The following FAM186B variants were observed in gnomAD, a reference collection of about 807,000 sequenced individuals.
FAM186B encodes family with sequence similarity 186 member B.
FAM186B carries 68 observed loss-of-function variants against 83.4 expected under a neutral mutation model. That is an observed-to-expected ratio of 0.81 (90% CI 0.67 to 1.00). The LOEUF is 1.00. FAM186B is among the 50% of genes least tolerant of loss of function. FAM186B has a pLI of 0.00. For synonymous variants in FAM186B, 389 were observed against 422.0 expected (o/e 0.92, Z 0.96); for missense variants, 983 against 1,099.2 (o/e 0.89, Z 1.49).
At position 49,600,833 on chromosome 12, in the gene FAM186B, G is replaced by C; in HGVS notation, c.807C>G (p.Thr269=). 6.2e-7 allele frequency: 1 copy of C among 1,612,440 alleles called. No homozygotes were observed. The highest frequency in any genetic ancestry group is 1.1e-5 in the South Asian group (1 of 90,832). ...GCAGCCTCTGGCTGCTGAGCTCTTT[G>C]GTCGCCTGCATTTGCAGGTGCCTGT... ...TKYRHLQMQA[T]KELSSQRLHF... The change falls in exon 4 of 7, where the codon ACC becomes ACG. Residue 269 remains threonine (T), a synonymous_variant. Transcript: ENST00000257894. This position sits in a 1 kb window ranked among gnomAD's most constrained non-coding sequence, Gnocchi z 4.3.
At chr12:49,604,216 G>C (rs1269819458) in intron 2 of FAM186B, 97 bp downstream of exon 2, 1 of 912,748 alleles carries the variant, frequency 1.1e-6, no homozygotes, top group Admixed American at 2.0e-5. Context: ...GTGGTGGAAT[G>C]CTTCACTGGA....
chr12:49,605,751 G>A, upstream of FAM186B: 2 of 248,824 alleles, frequency 8.0e-6, no homozygotes, highest in Non-Finnish European at 1.5e-5. Context: ...TTGACTTGTT[G>A]CCTTTTCTTT....
downstream of FAM186B, chr12:49,584,539 G>A (rs774808581): frequency 2.8e-5 from 20 of 702,216 alleles, no homozygotes; most frequent in African/African-American, 1.0e-4. Context: ...GGAGTGACTC[G>A]CTTGACTTTT....
chr12:49,599,720 T>C lies in FAM186B; in HGVS notation c.1920A>G (p.Thr640=), dbSNP rs758798875. The change falls in exon 4 of 7, where the codon ACA becomes ACG. Residue 640 remains threonine, a synonymous_variant. Coordinates refer to ENST00000257894, the MANE Select transcript of FAM186B (RefSeq NM_032130.3). ...KKSASFPVTG[T]SIRRLTWPSL... is the part of the protein sequence containing the mutation. ...AGGGCCAGGTCAGCCTTCGGATGGATGTCCCAGTGACAGGAAAGGAGGCAG... is the reference window on the plus strand; with the variant it reads ...AGGGCCAGGTCAGCCTTCGGATGGACGTCCCAGTGACAGGAAAGGAGGCAG... 1.9e-6 allele frequency: 3 copies of C among 1,613,886 alleles called. No homozygotes were observed. The Admixed American group carries it at 5.0e-5, about 27-fold the overall frequency.
chr12:49,604,868 T>G (rs1939977096), intron 1 of FAM186B: 1 of 238,300 alleles, frequency 4.2e-6, no homozygotes, highest in Non-Finnish European at 8.1e-6. Context: ...TGCTGGGGGT[T>G]TCTGGATGTC....
At chr12:49,588,378 C>A in intron 6 of FAM186B, 76 bp downstream of exon 6, 1 of 1,507,786 alleles carries the variant, frequency 6.6e-7, no homozygotes, top group Non-Finnish European at 8.9e-7. Flanking sequence ...CACTGCCCAC[C>A]TCCCCAGGCT....
chr12:49,607,453 C>T (rs1402118849), upstream of FAM186B, among the ~76,000 whole-genome samples: 2 of 151,798 alleles, frequency 1.3e-5, no homozygotes, highest in African/African-American at 2.4e-5. Context: ...CTTTAACATA[C>T]GTAACCTATC....
intron 6 of FAM186B, among the ~76,000 whole-genome samples, chr12:49,588,055 C>T (rs957586621): frequency 2.0e-5 from 3 of 152,190 alleles, no homozygotes; most frequent in Non-Finnish European, 4.4e-5. Flanking sequence ...GTCCTTTTAG[C>T]GCCCCAGAGG....
At chr12:49,585,298 G>A (rs1205225411), downstream of FAM186B, among the ~76,000 whole-genome samples, 2 of 152,190 alleles carry the variant, frequency 1.3e-5, no homozygotes, top group Non-Finnish European at 2.9e-5. Flanking sequence ...GATTACAGGC[G>A]TGAGCCACTA....
At chr12:49,610,664 C>A in the FAM186B span, among the ~76,000 whole-genome samples, 1 of 151,984 alleles carries the variant, frequency 6.6e-6, no homozygotes, top group Non-Finnish European at 1.5e-5. Context: ...GTCGTGGGCG[C>A]CTGTAGTCCC....
chr12:49,604,541 A>G lies in FAM186B; in HGVS notation c.97-3T>C. 6.2e-7 allele frequency: 1 copy of G among 1,612,842 alleles called. No individual in the cohort carries two copies. The highest frequency in any genetic ancestry group is 8.5e-7 in the Non-Finnish European group (1 of 1,178,808). ...TCTGAGAGCTGGGTAGAAATATCCT[A>G]TAGAGAAGCAGCAGATTGTAGTGTT... On this transcript the variant is annotated splice_region_variant and splice_polypyrimidine_tract_variant and intron_variant, in intron 1 of 6. Transcript: ENST00000257894.
the FAM186B span, among the ~76,000 whole-genome samples, chr12:49,612,537 T>G: frequency 8.2e-4 from 122 of 148,024 alleles, no homozygotes; most frequent in African/African-American, 2.4e-3. Context: ...TTATGTGTGT[T>G]TTTTTTTTTT....
In FAM186B at chr12:49,599,602, A is replaced by C; in HGVS notation, c.2038T>G (p.Ser680Ala). ...RKNLQLLSEE[S>A]ELRLPHYLRS... is the part of the protein sequence containing the mutation. ...AGGTAGTGGGGCAGCCTCAACTCAG[A>C]CTCCTCACTCAGGAGCTGCAGGTTC... is the stretch of plus-strand genomic sequence containing the variant. Residue 680 changes from serine (S) to alanine (A), a missense_variant, in exon 4 of 7, where the codon TCT (serine) becomes GCT (alanine). Ser to Ala is a moderately conservative substitution (Grantham distance 99). Coordinates refer to ENST00000257894, the MANE Select transcript of FAM186B (RefSeq NM_032130.3). 6.2e-7 allele frequency: 1 copy of C among 1,611,730 alleles called. No homozygotes were observed. The highest frequency in any genetic ancestry group is 1.1e-5 in the South Asian group (1 of 90,746).
In FAM186B at chr12:49,599,550, G is replaced by A; in HGVS notation, c.2090C>T (p.Thr697Ile). Residue 697 changes from threonine to isoleucine, a missense_variant, in exon 4 of 7, where the codon ACC (threonine) becomes ATC (isoleucine). Coordinates refer to ENST00000257894, the MANE Select transcript of FAM186B (RefSeq NM_032130.3). The stretch of plus-strand genomic sequence containing the variant: ...GAGCGCGCCCAGCTCCATGGTGGTG[G>A]TGGTGAGCTCCAGTGCTTTGCTGCG... ...YLRSKALELT[T>I]TTMELGALRL... The A allele has an allele frequency of 6.2e-7, 1 of 1,610,850 alleles. No individual in the cohort carries two copies. Among genetic ancestry groups the A allele is most frequent in the Non-Finnish European group, 8.5e-7 (1 of 1,178,476 alleles).
intron 1 of FAM186B, 61 bp from the exon 2 acceptor site, chr12:49,604,599 T>C: frequency 7.0e-7 from 1 of 1,426,764 alleles, no homozygotes; most frequent in Non-Finnish European, 9.9e-7. Context: ...AGCCACATGC[T>C]AGCAGCGTGA....
chr12:49,605,139 G>A (rs1939983395), intron 1 of FAM186B: 2 of 1,331,126 alleles, frequency 1.5e-6, no homozygotes, highest in East Asian at 3.2e-5. Context: ...GGCTATCCTC[G>A]AGCTTCCTGC....
intron 5 of FAM186B, among the ~76,000 whole-genome samples, chr12:49,597,718 T>C (rs1939761876): frequency 6.6e-6 from 1 of 152,206 alleles, no homozygotes; most frequent in African/African-American, 2.4e-5. Context: ...AATGTCATGT[T>C]ATAAACCTTA....
At chr12:49,611,382 A>C in the FAM186B span, among the ~76,000 whole-genome samples, 1 of 151,410 alleles carries the variant, frequency 6.6e-6, no homozygotes, top group East Asian at 2.0e-4. Flanking sequence ...CAAAATAAAA[A>C]AATACAAATA....
Position 49,603,361 on chromosome 12 carries a change from G to A in FAM186B, c.329C>T (p.Thr110Ile). The change falls in exon 3 of 7, where the codon ACT becomes ATT. Residue 110 changes from threonine (T) to isoleucine (I), a missense_variant. Thr to Ile is a moderately conservative substitution (Grantham distance 89, BLOSUM62 -1). Coordinates refer to ENST00000257894, the MANE Select transcript of FAM186B (RefSeq NM_032130.3). ...ILRWLGDWGD[T>I]LTYEIGPRKS... ...CCTGGGCCCAATCTCATAGGTCAGA[G>A]TGTCACCTGGAGAAGGGATGGGAGG... is the stretch of plus-strand genomic sequence containing the variant. 1.9e-6 allele frequency: 3 copies of A among 1,614,162 alleles called. No individual in the cohort carries two copies. Among genetic ancestry groups the A allele is most frequent in the Non-Finnish European group, 2.5e-6 (3 of 1,180,030 alleles).
Sources: gnomAD v4.1 joint callset for allele counts (sites outside exome capture counted in the v4.1 genomes callset) on GRCh38, gnomAD v4.1.1 for gene constraint, Gnocchi (gnomAD v3.1) non-coding constraint, MANE v1.5 for transcripts, NCBI Gene and HGNC (gene_info 2026-07-23, HGNC 2026-07-21) for gene names.